The following ACTR3C variants were observed in gnomAD, a reference collection of about 807,000 sequenced individuals.
ACTR3C encodes the protein actin related protein 3C.
ACTR3C carries 18 observed loss-of-function variants against 26.3 expected under a neutral mutation model. That is an observed-to-expected ratio of 0.68 (90% CI 0.47 to 1.01). The LOEUF (loss-of-function observed/expected upper bound fraction) is 1.01, where lower values mean the gene tolerates loss of function less well. Ranked by LOEUF, ACTR3C falls within the 50% of genes least tolerant of loss-of-function variation. The pLI is 0.00. For missense variants in ACTR3C, 184 were observed against 250.7 expected (o/e 0.73, Z 1.80); for synonymous variants, 55 against 94.5 (o/e 0.58, Z 2.42).
rs79879249 is a variant in ACTR3C at position 150,306,979 on chromosome 7, A to T, written c.-51-11632T>A. On this transcript the variant is annotated intron_variant, in intron 1 of 7. Coordinates refer to ENST00000683684, the MANE Select transcript of ACTR3C (RefSeq NM_001164458.2). ...TAAAAAGTATAATGCTTAGCTTTTT[A>T]AAAAAGCAGTTATAAAAGGATATAT... Among the ~76,000 whole-genome samples, 1,019 of 152,340 alleles carry T rather than the reference A, an allele frequency of 6.7e-3. 16 individuals are homozygous for T. Among genetic ancestry groups the T allele is most frequent in the African/African-American group, 0.022 (935 of 41,570 alleles).
At chr7:150,225,249 G>A in the ACTR3C span, among the ~76,000 whole-genome samples, 1 of 152,100 alleles carries the variant, frequency 6.6e-6, no homozygotes, top group South Asian at 2.1e-4. Flanking sequence ...GAGTCCTCTA[G>A]CTGACAGAGA....
chr7:150,064,439 C>T, the ACTR3C span, among the ~76,000 whole-genome samples: 1 of 144,804 alleles, frequency 6.9e-6, no homozygotes. Context: ...GTGGTGGGCA[C>T]CTGTAATCCC....
chr7:149,974,440 A>G, the ACTR3C span, among the ~76,000 whole-genome samples: 7 of 152,126 alleles, frequency 4.6e-5, no homozygotes, highest in Non-Finnish European at 8.8e-5. Flanking sequence ...TTTGTAGGCC[A>G]CTTCTTCTTT....
the ACTR3C span, among the ~76,000 whole-genome samples, chr7:150,089,862 C>T: frequency 6.6e-6 from 1 of 152,244 alleles, no homozygotes; most frequent in Non-Finnish European, 1.5e-5. Flanking sequence ...CTGTTCTTAG[C>T]ACAATTTCAA....
chr7:149,897,529 ACC>A, the ACTR3C span, among the ~76,000 whole-genome samples: 3 of 152,196 alleles, frequency 2.0e-5, no homozygotes, highest in Non-Finnish European at 2.9e-5. Context: ...ATTATCTGGA[ACC>A]TCCAATTTAC....
At chr7:150,301,328 G>A (rs2129614283) in intron 1 of ACTR3C, among the ~76,000 whole-genome samples, 1 of 152,326 alleles carries the variant, frequency 6.6e-6, no homozygotes, top group Non-Finnish European at 1.5e-5. Flanking sequence ...TCCCAGCAAA[G>A]AGATGCCTAT....
intron 6 of ACTR3C, among the ~76,000 whole-genome samples, chr7:150,250,202 CTT>C (rs1192764981): frequency 5.6e-5 from 7 of 125,506 alleles, no homozygotes; most frequent in African/African-American, 6.8e-5. Context: ...CAGAATCTGA[CTT>C]TTTTTTTTTT....
chr7:150,037,736 C>T, the ACTR3C span, among the ~76,000 whole-genome samples: 4 of 41,440 alleles, frequency 9.7e-5, no homozygotes, highest in African/African-American at 1.2e-4. Flanking sequence ...GGAAGAGGGT[C>T]TGGCTCTCAG....
chr7:150,219,692 C>G, the ACTR3C span, among the ~76,000 whole-genome samples: 3 of 141,060 alleles, frequency 2.1e-5, no homozygotes, highest in Non-Finnish European at 4.4e-5. Context: ...CCGCCGCCCA[C>G]TCCCCTTTCT....
chr7:150,154,206 T>TA, the ACTR3C span, among the ~76,000 whole-genome samples: 175 of 152,048 alleles, frequency 1.2e-3, 1 homozygote, highest in African/African-American at 4.1e-3. Flanking sequence ...ACATGTACCC[T>TA]AAAACTTAAA....
the ACTR3C span, among the ~76,000 whole-genome samples, chr7:149,985,863 T>C: frequency 2.4e-3 from 372 of 152,248 alleles, no homozygotes; most frequent in African/African-American, 8.6e-3. Context: ...CCCACAGACA[T>C]AGCAGATACA....
the ACTR3C span, among the ~76,000 whole-genome samples, chr7:150,094,789 G>A: frequency 1.3e-5 from 2 of 150,846 alleles, no homozygotes; most frequent in Admixed American, 6.6e-5. Flanking sequence ...AATGGCGGCA[G>A]TGAGGCCCGC....
At chr7:150,198,474 T>A in the ACTR3C span, among the ~76,000 whole-genome samples, 1 of 123,870 alleles carries the variant, frequency 8.1e-6, no homozygotes, top group Non-Finnish European at 1.6e-5. Context: ...GTCTGAGATG[T>A]GGGGAGCGCC....
chr7:149,990,006 T>C, the ACTR3C span, among the ~76,000 whole-genome samples: 22 of 152,234 alleles, frequency 1.4e-4, no homozygotes, highest in East Asian at 3.5e-3. Context: ...TTGAAAGCAC[T>C]CGGCGTCAGT....
the ACTR3C span, among the ~76,000 whole-genome samples, chr7:150,049,826 T>C: frequency 6.6e-6 from 1 of 152,252 alleles, no homozygotes; most frequent in Admixed American, 6.5e-5. Context: ...CCACAGTAGT[T>C]ACCCTTTACT....
intron 6 of ACTR3C, among the ~76,000 whole-genome samples, chr7:150,258,341 G>A (rs1391847385): frequency 6.7e-6 from 1 of 150,196 alleles, no homozygotes; most frequent in African/African-American, 2.4e-5. Flanking sequence ...TTTATACTGA[G>A]GAAAAAAGAA....
At chr7:150,095,302 A>G in the ACTR3C span, among the ~76,000 whole-genome samples, 1 of 150,254 alleles carries the variant, frequency 6.7e-6, no homozygotes, top group Admixed American at 6.6e-5. Context: ...AGCTCCCAAC[A>G]GCACTAGTGG....
At chr7:150,210,689 A>C in the ACTR3C span, among the ~76,000 whole-genome samples, 1 of 149,620 alleles carries the variant, frequency 6.7e-6, no homozygotes, top group Non-Finnish European at 1.5e-5. Context: ...ATATATAGTA[A>C]CAGAAAAAAA....
chr7:150,094,843 A>T, the ACTR3C span, among the ~76,000 whole-genome samples: 2 of 150,784 alleles, frequency 1.3e-5, no homozygotes, highest in Admixed American at 1.3e-4. Flanking sequence ...AAAGCTTAGA[A>T]GCTCATGCTT....
Sources: allele counts gnomAD v4.1 joint callset (sites outside exome capture counted in the v4.1 genomes callset), GRCh38; gene constraint gnomAD v4.1.1; transcripts MANE v1.5; gene names NCBI Gene and HGNC (gene_info 2026-07-23, HGNC 2026-07-21).